ABCA4: variants seen among roughly 807,000 people sequenced by gnomAD.
ABCA4 encodes retinal-specific phospholipid-transporting ATPase ABCA4.
Under a neutral mutation model 263.7 loss-of-function variants are expected in ABCA4, and 196 were observed. That is an observed-to-expected ratio of 0.74 (90% CI 0.66 to 0.84). ABCA4 has a LOEUF of 0.84. ABCA4 is among the 40% of genes least tolerant of loss of function. The pLI is 0.00. For missense variants in ABCA4, 2,792 were observed against 2,855.1 expected (o/e 0.98, Z 0.50); for synonymous variants, 1,133 against 1,094.2 (o/e 1.04, Z -0.70).
chr1:94,108,690 T>A lies in ABCA4; in HGVS notation c.329A>T (p.Gln110Leu). The A allele has an allele frequency of 6.2e-7, 1 of 1,614,066 alleles. No individual in the cohort carries two copies. The highest frequency in any genetic ancestry group is 8.5e-7 in the Non-Finnish European group (1 of 1,180,028). The change falls in exon 4 of 50, where the codon CAA (glutamine) becomes CTA (leucine). Residue 110 changes from glutamine to leucine, a missense_variant. By Grantham distance (113) the Gln-to-Leu change is moderately radical (BLOSUM62 -2). Coordinates refer to ENST00000370225, the MANE Select transcript of ABCA4 (RefSeq NM_000350.3). ...SILARVYRDF[Q>L]ELLMNAPESQ... ...CTCTGGTGCATTCATGAGGAGTTCT[T>A]GAAAATCTCGATATACCCTTGCCAA... is the stretch of plus-strand genomic sequence containing the variant.
intron 30 of ABCA4, among the ~76,000 whole-genome samples, chr1:94,028,129 G>T (rs1360862717): frequency 6.6e-6 from 1 of 152,144 alleles, no homozygotes; most frequent in Non-Finnish European, 1.5e-5. Flanking sequence ...TAAAATTAAG[G>T]CTCAGAGAGG....
Position 94,052,384 on chromosome 1 carries a change from C to G in ABCA4, c.2588-686G>C, listed in dbSNP as rs190930364. Among the ~76,000 whole-genome samples the G allele has an allele frequency of 2.0e-3, 304 of 152,270 alleles. 6 individuals carry two copies. The highest frequency in any genetic ancestry group is 1.5e-4 in the Non-Finnish European group (10 of 68,022). On this transcript the variant is annotated intron_variant, in intron 16 of 49. Transcript: ENST00000370225. Reference sequence around the variant, plus strand: ...AATGTTGATTTTGTAAAATCATGGTCTCGGCTTTTTTTAAGAGTTGCCGTA... The same window carrying G: ...AATGTTGATTTTGTAAAATCATGGTGTCGGCTTTTTTTAAGAGTTGCCGTA...
At chr1:94,107,800 A>C (rs1398972476) in intron 4 of ABCA4, among the ~76,000 whole-genome samples, 47 of 152,082 alleles carry the variant, frequency 3.1e-4, no homozygotes, top group Admixed American at 3.0e-3. Context: ...CTGAATTCAC[A>C]TATTTCACTT....
intron 45 of ABCA4, 25 bp downstream of exon 45, chr1:94,001,833 T>C (rs780141169): frequency 1.2e-5 from 19 of 1,614,024 alleles, no homozygotes; most frequent in Non-Finnish European, 1.6e-5. Flanking sequence ...TTTAAGCCCT[T>C]GGTGCGGCCC....
In ABCA4 at chr1:94,009,191, G is replaced by C. The variant is rs141314819; in HGVS notation, c.5715-320C>G. Among the ~76,000 whole-genome samples the C allele has an allele frequency of 1.4e-3, 218 of 152,152 alleles. 2 individuals are homozygous for C. The highest frequency in any genetic ancestry group is 5.0e-3 in the African/African-American group (207 of 41,490). On this transcript the variant is annotated intron_variant, in intron 40 of 49. Transcript: ENST00000370225. ...GTAACAATACCTGTCTCATAGGATT[G>C]TGCTGAAGATGAACTCAGCACAGTG... is the stretch of plus-strand genomic sequence containing the variant.
chr1:94,099,108 G>T, intron 5 of ABCA4, 117 bp from the exon 6 acceptor site: 2 of 1,190,030 alleles, frequency 1.7e-6, no homozygotes, highest in Non-Finnish European at 2.4e-6. Flanking sequence ...TAAGATCGCA[G>T]ATGGGATTAA....
At chr1:94,120,905 A>ACCCCCC in intron 1 of ABCA4, 75 bp downstream of exon 1, 2 of 146,894 alleles carry the variant, frequency 1.4e-5, no homozygotes, top group Non-Finnish European at 2.6e-5. Flanking sequence ...ACCCTACCCC[A>ACCCCCC]CCACCCCACC....
chr1:94,121,089 C>G lies in ABCA4; in HGVS notation c.-44G>C, dbSNP rs1570441527. 6.3e-7 allele frequency: 1 copy of G among 1,591,332 alleles called. No individual in the cohort carries two copies. The highest frequency in any genetic ancestry group is 8.6e-7 in the Non-Finnish European group (1 of 1,159,198). On this transcript the variant is annotated 5_prime_UTR_variant, in exon 1 of 50. Transcript: ENST00000370225. ...ACCAGATTGGTCAGAGCTGAGGCCC[C>G]TCAGACAGCAAAGGACATAAACGCC...
chr1:94,091,585 A>T (rs1406045682), intron 6 of ABCA4, among the ~76,000 whole-genome samples: 6 of 38,568 alleles, frequency 1.6e-4, no homozygotes, highest in Admixed American at 1.1e-3. Flanking sequence ...CATCTCACAC[A>T]CACACACACA....
At chr1:94,120,904 CA>C in intron 1 of ABCA4, 75 bp downstream of exon 1, 31 of 953,516 alleles carry the variant, frequency 3.3e-5, no homozygotes, top group East Asian at 5.1e-5. Flanking sequence ...CACCCTACCC[CA>C]CCACCCCACC....
chr1:94,105,978 G>T (rs1302143130), intron 4 of ABCA4, among the ~76,000 whole-genome samples: 1 of 152,206 alleles, frequency 6.6e-6, no homozygotes, highest in Non-Finnish European at 1.5e-5. Context: ...ACAGTGAGCA[G>T]CGCCCCGGTG....
chr1:93,993,496 A>G (rs1330784487), intron 49 of ABCA4, among the ~76,000 whole-genome samples: 1 of 152,006 alleles, frequency 6.6e-6, no homozygotes, highest in African/African-American at 2.4e-5. Flanking sequence ...GTGTGCATAC[A>G]TGCTTACATC....
At chr1:94,010,633 T>G in intron 40 of ABCA4, 167 bp downstream of exon 40, 5 of 988,162 alleles carry the variant, frequency 5.1e-6, no homozygotes, top group Non-Finnish European at 7.8e-6. Flanking sequence ...ATGTGCCTAT[T>G]TTAACCCGAT....
intron 11 of ABCA4, 66 bp from the exon 12 acceptor site, chr1:94,063,383 C>T (rs1661183338): frequency 6.9e-7 from 1 of 1,447,662 alleles, no homozygotes; most frequent in Admixed American, 1.7e-5. Context: ...ACTCTACACA[C>T]AGAAAGTCAC....
intron 6 of ABCA4, among the ~76,000 whole-genome samples, chr1:94,085,856 T>C (rs1661812616): frequency 6.6e-6 from 1 of 152,166 alleles, no homozygotes; most frequent in African/African-American, 2.4e-5. Flanking sequence ...GGCAAACTTC[T>C]ACTCATCCCT....
intron 11 of ABCA4, among the ~76,000 whole-genome samples, chr1:94,065,742 C>T (rs1219875217): frequency 6.6e-6 from 1 of 152,144 alleles, no homozygotes; most frequent in Admixed American, 6.5e-5. Context: ...TTCTAAAGGG[C>T]CCAGGCTTAA....
At chr1:94,035,901 G>C (rs1172734247) in intron 26 of ABCA4, among the ~76,000 whole-genome samples, 3 of 152,202 alleles carry the variant, frequency 2.0e-5, no homozygotes, top group African/African-American at 7.2e-5. Flanking sequence ...GAGCTAGTTG[G>C]TGCCCAGGCT....
chr1:94,042,977 TG>T, intron 21 of ABCA4, 79 bp from the exon 22 acceptor site: 4 of 1,586,206 alleles, frequency 2.5e-6, no homozygotes, highest in Non-Finnish European at 3.5e-6. Flanking sequence ...AGTGGCATTG[TG>T]GGGGTACCTT....
Position 94,049,068 on chromosome 1 carries a change from G to A in ABCA4, c.2654-111C>T, listed in dbSNP as rs1660766774. ...CAAATGAGTTTCCTAGCCAGCCTTTGACCTGCTCTAGGACTGTGAGGTACT... is the reference window on the plus strand; with the variant it reads ...CAAATGAGTTTCCTAGCCAGCCTTTAACCTGCTCTAGGACTGTGAGGTACT... On this transcript the variant is annotated intron_variant, in intron 17 of 49. Transcript: ENST00000370225. 3.0e-6 allele frequency: 3 copies of A among 985,030 alleles called. No individual in the cohort carries two copies. In the African/African-American group the frequency reaches 4.8e-5, roughly 16 times the overall value. The allele number at this position is 985,030 out of a possible 1,614,324, so 61.0% of individuals were successfully genotyped here.
Sources: gnomAD v4.1 joint callset for allele counts (sites outside exome capture counted in the v4.1 genomes callset) on GRCh38, gnomAD v4.1.1 for gene constraint, MANE v1.5 for transcripts, NCBI Gene and HGNC (gene_info 2026-07-23, HGNC 2026-07-21) for gene names.